Variants in FCHSD2 observed in about 807,000 individuals in gnomAD.
FCHSD2 encodes the protein FCH and double SH3 domains 2, also known as F-BAR and double SH3 domains protein 2.
FCHSD2 carries 38 observed loss-of-function variants against 108.1 expected under a neutral mutation model. The ratio of observed to expected loss-of-function variants is 0.35; its 90% CI spans 0.27 to 0.46. FCHSD2 has a LOEUF of 0.46. FCHSD2 is among the 20% of genes least tolerant of loss of function. The probability of loss-of-function intolerance (pLI) is 1.00; values close to 1 mark genes in which losing one functional copy is unlikely to be tolerated. For missense variants in FCHSD2, 751 were observed against 897.8 expected (o/e 0.84, Z 2.09); for synonymous variants, 279 against 314.7 (o/e 0.89, Z 1.20).
Position 72,902,580 on chromosome 11 carries a change from G to C in FCHSD2, c.887C>G (p.Pro296Arg), listed in dbSNP as rs1855548417. 6.3e-7 allele frequency: 1 copy of C among 1,589,504 alleles called. No homozygotes were observed. The highest frequency in any genetic ancestry group is 1.3e-5 in the African/African-American group (1 of 74,498). The change falls in exon 10 of 20, where the codon CCC (proline) becomes CGC (arginine). Residue 296 changes from proline (P) to arginine (R), a missense_variant. Physicochemically the swap from Pro to Arg is moderately radical, Grantham distance 103. Coordinates refer to ENST00000409418, the MANE Select transcript of FCHSD2 (RefSeq NM_014824.3). ...FLQENAVFHK[P>R]QPFQFQPCDS... ...ACAAGGCTGGAACTGGAAGGGCTGG[G>C]GTTTGTGAAATACAGCGTTTTCTTG...
At chr11:72,940,762 GT>G (rs1211763459) in intron 8 of FCHSD2, 3 of 850,804 alleles carry the variant, frequency 3.5e-6, no homozygotes, top group Non-Finnish European at 4.0e-6. Context: ...TCATCATGGT[GT>G]TAATCAGCTA....
At chr11:73,131,146 T>C (rs1860986832) in intron 2 of FCHSD2, among the ~76,000 whole-genome samples, 1 of 150,982 alleles carries the variant, frequency 6.6e-6, no homozygotes, top group African/African-American at 2.4e-5. Flanking sequence ...CTTTGGGAGC[T>C]TGAGGCAGGC....
chr11:72,995,935 T>G (rs932014039), intron 5 of FCHSD2, among the ~76,000 whole-genome samples: 2 of 152,034 alleles, frequency 1.3e-5, no homozygotes, highest in African/African-American at 4.8e-5. Context: ...GACTTAAGGG[T>G]AATGTCCAAA....
chr11:73,106,298 CG>C (rs796912797), intron 2 of FCHSD2, among the ~76,000 whole-genome samples: 38 of 150,570 alleles, frequency 2.5e-4, no homozygotes, highest in African/African-American at 9.0e-4. Flanking sequence ...CCCCAGCATT[CG>C]GGAGGCTAAG....
chr11:72,911,364 AT>A (rs1428827444), intron 9 of FCHSD2, among the ~76,000 whole-genome samples: 1 of 152,180 alleles, frequency 6.6e-6, no homozygotes, highest in African/African-American at 2.4e-5. Context: ...TGCCAGTACC[AT>A]GCTGTTTTGG....
chr11:73,060,878 T>C (rs1012055310), intron 3 of FCHSD2, among the ~76,000 whole-genome samples: 1 of 152,142 alleles, frequency 6.6e-6, no homozygotes, highest in Non-Finnish European at 1.5e-5. Context: ...GCCAGGTTCA[T>C]AGCTTGAAAC....
chr11:72,948,478 A>G (rs1856561264), intron 8 of FCHSD2, among the ~76,000 whole-genome samples: 1 of 152,216 alleles, frequency 6.6e-6, no homozygotes, highest in Admixed American at 6.5e-5. Flanking sequence ...CTTAGAATAA[A>G]TTCTTACAAC....
At position 72,841,354 on chromosome 11, in the gene FCHSD2, A is replaced by AT; in HGVS notation, c.2056+99_2056+100insA. On this transcript the variant is annotated intron_variant, in intron 18 of 19. Coordinates refer to ENST00000409418, the MANE Select transcript of FCHSD2 (RefSeq NM_014824.3). ...GACTCTGTCTCCAAAAAAAAAAAAA[A>AT]AAAAAAAAAAGCAAATGCAGTTTTT... is the stretch of plus-strand genomic sequence containing the variant. The AT allele has an allele frequency of 4.4e-6, 5 of 1,138,146 alleles. No individual in the cohort carries two copies. The Admixed American group carries it at 1.4e-4, about 32-fold the overall frequency. The allele number at this position is 1,138,146 out of a possible 1,614,324, so 70.5% of individuals were successfully genotyped here. A position where few individuals can be genotyped will look rare whatever the true frequency, so the allele number is the denominator to read the frequency against.
At chr11:73,055,956 G>A (rs1011673097) in intron 3 of FCHSD2, among the ~76,000 whole-genome samples, 2 of 152,114 alleles carry the variant, frequency 1.3e-5, no homozygotes, top group African/African-American at 2.4e-5. Context: ...GCACAACACT[G>A]TGAATGCCAA....
At chr11:72,995,176 C>T (rs529250453) in intron 5 of FCHSD2, among the ~76,000 whole-genome samples, 2 of 151,940 alleles carry the variant, frequency 1.3e-5, no homozygotes, top group African/African-American at 2.4e-5. Flanking sequence ...TTTTTATCGC[C>T]GAATAGTATT....
chr11:73,048,293 CA>C lies in FCHSD2; in HGVS notation c.166-32409del, dbSNP rs532216436. On this transcript the variant is annotated intron_variant, in intron 3 of 19. Coordinates refer to ENST00000409418, the MANE Select transcript of FCHSD2 (RefSeq NM_014824.3). ...CATGTACCGACACACATATGGGACCCAAAAGTTACCTCTGATCTCCCTTAAG... is the reference window on the plus strand; with the variant it reads ...CATGTACCGACACACATATGGGACCCAAAGTTACCTCTGATCTCCCTTAAG... Among the ~76,000 whole-genome samples, 20 of 152,182 alleles carry C rather than the reference CA, an allele frequency of 1.3e-4. No homozygotes were observed. The South Asian group carries it at 4.1e-3, about 32-fold the overall frequency.
At chr11:73,100,735 C>T (rs994628137) in intron 2 of FCHSD2, among the ~76,000 whole-genome samples, 2 of 152,114 alleles carry the variant, frequency 1.3e-5, no homozygotes, top group Non-Finnish European at 2.9e-5. Flanking sequence ...GGCACAGAAA[C>T]GCAGCTTGGA....
At chr11:73,007,287 G>A (rs1857761697) in intron 4 of FCHSD2, among the ~76,000 whole-genome samples, 1 of 152,042 alleles carries the variant, frequency 6.6e-6, no homozygotes, top group South Asian at 2.1e-4. Context: ...AGATATCTAG[G>A]AAAACCTAGA....
chr11:72,915,675 G>A (rs796658052), intron 9 of FCHSD2, among the ~76,000 whole-genome samples: 26 of 152,178 alleles, frequency 1.7e-4, no homozygotes, highest in African/African-American at 5.3e-4. Flanking sequence ...AAAATTAGCC[G>A]GGCGCGGTGG....
Position 73,001,044 on chromosome 11 carries a change from G to T in FCHSD2, c.333C>A (p.Phe111Leu). 6.2e-7 allele frequency: 1 copy of T among 1,612,616 alleles called. No homozygotes were observed. Among genetic ancestry groups the T allele is most frequent in the Non-Finnish European group, 8.5e-7 (1 of 1,179,304 alleles). The change falls in exon 5 of 20, where the codon TTC becomes TTA. Residue 111 changes from phenylalanine (F) to leucine (L), a missense_variant. Transcript: ENST00000409418. ...RMNICENYKN[F>L]ISEPARTVRS... Reference sequence around the variant, plus strand: ...TCACTGTCCTTGCAGGCTCAGAAATGAAGTTTTTATAGTTTTCACATATAT... The same window carrying T: ...TCACTGTCCTTGCAGGCTCAGAAATTAAGTTTTTATAGTTTTCACATATAT...
intron 8 of FCHSD2, among the ~76,000 whole-genome samples, chr11:72,936,605 T>C (rs925324538): frequency 2.0e-5 from 3 of 152,188 alleles, no homozygotes; most frequent in Non-Finnish European, 2.9e-5. Context: ...CAAGACTCCA[T>C]CTCTAATTTA....
intron 2 of FCHSD2, among the ~76,000 whole-genome samples, chr11:73,089,822 T>C (rs777618043): frequency 6.6e-6 from 1 of 152,194 alleles, no homozygotes; most frequent in Non-Finnish European, 1.5e-5. Context: ...GTACAGTATT[T>C]TTATTTAACT....
At chr11:72,969,852 T>C (rs1591444803) in intron 8 of FCHSD2, among the ~76,000 whole-genome samples, 1 of 152,226 alleles carries the variant, frequency 6.6e-6, no homozygotes, top group East Asian at 1.9e-4. Context: ...ACATTGGTTA[T>C]GCTAGGTACA....
At chr11:72,942,342 C>CA (rs1168549206) in intron 8 of FCHSD2, among the ~76,000 whole-genome samples, 1 of 152,240 alleles carries the variant, frequency 6.6e-6, no homozygotes, top group Non-Finnish European at 1.5e-5. Flanking sequence ...GCTCCCTGTA[C>CA]AGTCTGCAGG....
Sources: gnomAD v4.1 joint callset for allele counts (sites outside exome capture counted in the v4.1 genomes callset) on GRCh38, gnomAD v4.1.1 for gene constraint, MANE v1.5 for transcripts, NCBI Gene and HGNC (gene_info 2026-07-23, HGNC 2026-07-21) for gene names.